Variants in TG observed in about 807,000 individuals in gnomAD.
The protein encoded by TG is thyroid hormones.
A neutral mutation model predicts 324.7 loss-of-function variants in TG; 270 were observed. That is an observed-to-expected ratio of 0.83 (90% CI 0.75 to 0.92). TG has a LOEUF of 0.92. Among genes scored for constraint, TG ranks in the 40% least tolerant of loss-of-function variants. TG has a pLI of 0.00. For missense variants in TG, 3,591 were observed against 3,456.4 expected, an observed-to-expected ratio of 1.04 and a Z score of -0.98; for synonymous variants, 1,401 against 1,327.0, an observed-to-expected ratio of 1.06 and a Z score of -1.21.
chr8:132,903,448 C>T (rs1818217036), intron 16 of TG, among the ~76,000 whole-genome samples: 1 of 152,182 alleles, frequency 6.6e-6, no homozygotes, highest in Non-Finnish European at 1.5e-5. Flanking sequence ...CCAGCATTGG[C>T]CTCTTCCGAT....
At chr8:133,026,611 A>G (rs1342295783) in intron 40 of TG, among the ~76,000 whole-genome samples, 4 of 152,216 alleles carry the variant, frequency 2.6e-5, no homozygotes, top group African/African-American at 9.6e-5. Flanking sequence ...CAAGGGGCCT[A>G]TGGGCTCTGC....
chr8:133,041,235 C>T (rs923299395), intron 41 of TG, among the ~76,000 whole-genome samples: 3 of 152,190 alleles, frequency 2.0e-5, no homozygotes, highest in Non-Finnish European at 4.4e-5. Context: ...ACCAGGTTTT[C>T]GACAGCACGT....
chr8:133,134,742 GAGA>G lies in TG; in HGVS notation c.8259_8261del (p.Glu2753del). 6.2e-7 allele frequency: 1 copy of G among 1,614,136 alleles called. No individual in the cohort carries two copies. Among genetic ancestry groups the G allele is most frequent in the Non-Finnish European group, 8.5e-7 (1 of 1,180,020 alleles). On this transcript the variant is annotated inframe_deletion, in exon 48 of 48. Coordinates refer to ENST00000220616, the MANE Select transcript of TG (RefSeq NM_003235.5). Reference sequence around the variant, plus strand: ...GAGTTGACGGCTGGATCTGGGCTAAGAGAAGATCTCCTAAGCCTCCAGGAACCA... The same window carrying G: ...GAGTTGACGGCTGGATCTGGGCTAAGAGATCTCCTAAGCCTCCAGGAACCA...
intron 23 of TG, among the ~76,000 whole-genome samples, chr8:132,931,868 G>A (rs1224792770): frequency 6.6e-6 from 1 of 152,124 alleles, no homozygotes. Flanking sequence ...GGCCGAGGCA[G>A]GTGGATGGAG....
At chr8:133,032,069 G>A (rs909533247) in intron 41 of TG, among the ~76,000 whole-genome samples, 6 of 152,066 alleles carry the variant, frequency 3.9e-5, no homozygotes, top group African/African-American at 1.4e-4. Context: ...ACGGGACCCC[G>A]AGCACCCCAC....
At chr8:132,887,650 C>G (rs1815616054) in intron 9 of TG, 102 bp downstream of exon 9, 2 of 1,501,786 alleles carry the variant, frequency 1.3e-6, no homozygotes, top group Admixed American at 3.4e-5. Flanking sequence ...CCAATGCTTA[C>G]ACTTCAGTTA....
intron 45 of TG, among the ~76,000 whole-genome samples, chr8:133,120,058 G>A (rs892738617): frequency 1.3e-5 from 2 of 152,150 alleles, no homozygotes; most frequent in Non-Finnish European, 2.9e-5. Flanking sequence ...GGCCCAGCAT[G>A]GGAAATGTTC....
chr8:132,931,692 G>T (rs2132546116), intron 23 of TG, among the ~76,000 whole-genome samples: 1 of 152,250 alleles, frequency 6.6e-6, no homozygotes, highest in Admixed American at 6.5e-5. Flanking sequence ...TTTCTTGACT[G>T]AATTTGTCCC....
At chr8:132,914,536 A>G (rs532133977) in intron 20 of TG, among the ~76,000 whole-genome samples, 18 of 152,214 alleles carry the variant, frequency 1.2e-4, no homozygotes, top group Non-Finnish European at 2.2e-4. Flanking sequence ...CTGCAGTTCA[A>G]GTGCACCTGC....
chr8:133,101,185 C>G (rs566594904), intron 43 of TG, among the ~76,000 whole-genome samples: 1 of 152,244 alleles, frequency 6.6e-6, no homozygotes, highest in Admixed American at 6.5e-5. Context: ...ACGCAAGCAT[C>G]ACCTAGAGAG....
intron 41 of TG, chr8:133,060,200 C>T (rs753025043): frequency 6.2e-7 from 1 of 1,613,454 alleles, no homozygotes; most frequent in Non-Finnish European, 8.5e-7. Flanking sequence ...ATGCCCAGAG[C>T]CTGTGGTATA....
chr8:133,088,018 A>C (rs1361648310), intron 41 of TG, among the ~76,000 whole-genome samples: 1 of 152,226 alleles, frequency 6.6e-6, no homozygotes, highest in Non-Finnish European at 1.5e-5. Context: ...TTAAGAAAGT[A>C]GCGGTTTCAA....
At chr8:133,053,998 T>C (rs937071714) in intron 41 of TG, among the ~76,000 whole-genome samples, 1 of 152,162 alleles carries the variant, frequency 6.6e-6, no homozygotes, top group Non-Finnish European at 1.5e-5. Flanking sequence ...ACTGGGAAGG[T>C]ATTACAGTTT....
At chr8:133,116,559 C>T (rs777912477) in intron 44 of TG, 50 bp from the exon 45 acceptor site, 5 of 1,544,750 alleles carry the variant, frequency 3.2e-6, no homozygotes, top group Non-Finnish European at 4.5e-6. Flanking sequence ...GGCACCATGG[C>T]CCATAGAGCC....
intron 14 of TG, 39 bp downstream of exon 14, chr8:132,898,949 T>TCCC: frequency 6.5e-7 from 1 of 1,538,402 alleles, no homozygotes; most frequent in Non-Finnish European, 9.0e-7. Context: ...CCGGGACTTG[T>TCCC]CCCCGCTGGT....
intron 43 of TG, among the ~76,000 whole-genome samples, chr8:133,098,254 TAGTA>T (rs1415781525): frequency 6.6e-6 from 1 of 152,204 alleles, no homozygotes; most frequent in Non-Finnish European, 1.5e-5. Context: ...AGTTAAGAAA[TAGTA>T]AGTTTAGTTA....
At chr8:133,062,426 T>A (rs1842495828) in intron 41 of TG, among the ~76,000 whole-genome samples, 1 of 152,210 alleles carries the variant, frequency 6.6e-6, no homozygotes, top group Non-Finnish European at 1.5e-5. Context: ...GTGGCGTGAC[T>A]CCAACCCACA....
chr8:133,006,500 G>T (rs1450141269), intron 35 of TG, among the ~76,000 whole-genome samples: 1 of 152,244 alleles, frequency 6.6e-6, no homozygotes, highest in African/African-American at 2.4e-5. Context: ...TTCTTAGACT[G>T]TTTTTCCAGG....
At chr8:133,057,786 A>C (rs1841726730) in intron 41 of TG, among the ~76,000 whole-genome samples, 3 of 151,926 alleles carry the variant, frequency 2.0e-5, no homozygotes, top group African/African-American at 4.8e-5. Flanking sequence ...AAAAAAAAAA[A>C]ACAAAAAAAC....
Sources: gnomAD v4.1 joint callset for allele counts (sites outside exome capture counted in the v4.1 genomes callset) on GRCh38, gnomAD v4.1.1 for gene constraint, MANE v1.5 for transcripts, NCBI Gene and HGNC (gene_info 2026-07-23, HGNC 2026-07-21) for gene names.